Variants in ATG4C observed in about 807,000 individuals in gnomAD.
ATG4C encodes autophagy related 4C cysteine peptidase.
A neutral mutation model predicts 57.6 loss-of-function variants in ATG4C; 56 were observed. That is an observed-to-expected ratio of 0.97 (90% CI 0.78 to 1.21). The LOEUF (loss-of-function observed/expected upper bound fraction) is 1.21. ATG4C is among the 50% of genes most tolerant of loss of function. The probability of loss-of-function intolerance (pLI) is 0.00; values close to 1 mark genes in which losing one functional copy is unlikely to be tolerated. For synonymous variants in ATG4C, 157 were observed against 174.1 expected (o/e 0.90, Z 0.78); for missense variants, 595 against 529.8 (o/e 1.12, Z -1.21).
rs1230163900 is a variant in ATG4C at position 62,859,671 on chromosome 1, A to G, written c.1210-4321A>G. Among the ~76,000 whole-genome samples the G allele has an allele frequency of 2.0e-5, 3 of 150,186 alleles. 1 individual carries two copies. The highest frequency in any genetic ancestry group is 4.2e-4 in the South Asian group (2 of 4,708). On this transcript the variant is annotated intron_variant, in intron 10 of 10. Transcript: ENST00000317868. ...ATTTATGAGAAAACATATTTCTTCA[A>G]TAATAAATTAACCATATCTTTCTGT...
intron 9 of ATG4C, among the ~76,000 whole-genome samples, chr1:62,836,777 A>G (rs541638661): frequency 4.6e-5 from 7 of 152,178 alleles, no homozygotes; most frequent in African/African-American, 1.7e-4. Context: ...TTTTTTGGTT[A>G]ATAGATGGAG....
intron 4 of ATG4C, among the ~76,000 whole-genome samples, chr1:62,818,150 T>G (rs929236235): frequency 5.9e-5 from 9 of 152,152 alleles, no homozygotes; most frequent in Non-Finnish European, 1.0e-4. Flanking sequence ...AATGGATATA[T>G]TTGATTTTTC....
intron 3 of ATG4C, among the ~76,000 whole-genome samples, chr1:62,812,347 G>A (rs11208036): frequency 0.43 from 65,245 of 151,966 alleles, 14,158 homozygotes; most frequent in East Asian, 0.67. Flanking sequence ...AATCCATCAC[G>A]TAAACAGAAC....
chr1:62,863,548 A>G (rs1267497863), intron 10 of ATG4C, among the ~76,000 whole-genome samples: 1 of 152,038 alleles, frequency 6.6e-6, no homozygotes, highest in Non-Finnish European at 1.5e-5. Flanking sequence ...GTTAGTTACA[A>G]AACAGAGATT....
At chr1:62,817,533 G>T (rs1282324224) in intron 4 of ATG4C, among the ~76,000 whole-genome samples, 1 of 152,068 alleles carries the variant, frequency 6.6e-6, no homozygotes, top group Non-Finnish European at 1.5e-5. Flanking sequence ...TTTTTGTAGA[G>T]ATGTGGTCTC....
chr1:62,789,948 T>A (rs1664220116), intron 1 of ATG4C, among the ~76,000 whole-genome samples: 1 of 151,614 alleles, frequency 6.6e-6, no homozygotes, highest in Admixed American at 6.6e-5. Flanking sequence ...AGTGTCTTGC[T>A]CTTGTTGCCC....
In ATG4C at chr1:62,834,518, T is replaced by C. The variant is rs1045588026; in HGVS notation, c.1013-258T>C. ...ATATGCAAACTGTAGAATATAATTGTGTGTTTGTGAAAGCAATTTTATCAC... is the reference window on the plus strand; with the variant it reads ...ATATGCAAACTGTAGAATATAATTGCGTGTTTGTGAAAGCAATTTTATCAC... On this transcript the variant is annotated intron_variant, in intron 8 of 10. Coordinates refer to ENST00000317868, the MANE Select transcript of ATG4C (RefSeq NM_032852.4). Among the ~76,000 whole-genome samples, 3 of 152,102 alleles carry C rather than the reference T, an allele frequency of 2.0e-5. No homozygotes were observed. In the South Asian group the frequency reaches 6.2e-4, roughly 31 times the overall value.
chr1:62,809,106 T>A (rs1244940182), intron 3 of ATG4C, among the ~76,000 whole-genome samples: 2 of 151,984 alleles, frequency 1.3e-5, no homozygotes, highest in South Asian at 2.1e-4. Flanking sequence ...GTTAATTTTT[T>A]ATTTTTATTT....
rs1665561868 is a variant in ATG4C at position 62,823,804 on chromosome 1, T to C, written c.796+2595T>C. On this transcript the variant is annotated intron_variant, in intron 6 of 10. Transcript: ENST00000317868. ...CTTTGTGCATATTATTGCCTCTGCT[T>C]GGAATGCTTTTTATTATTAGAATGC... Among the ~76,000 whole-genome samples, 4 of 152,164 alleles carry C rather than the reference T, an allele frequency of 2.6e-5. No individual in the cohort carries two copies. The South Asian group carries it at 8.3e-4, about 32-fold the overall frequency.
intron 2 of ATG4C, 34 bp from the exon 3 acceptor site, chr1:62,805,138 A>T: frequency 6.6e-7 from 1 of 1,514,622 alleles, no homozygotes; most frequent in Admixed American, 2.7e-5. Flanking sequence ...TTTAATTACA[A>T]AACGTTTTCT....
At chr1:62,788,017 T>C (rs1664147087) in intron 1 of ATG4C, among the ~76,000 whole-genome samples, 1 of 152,194 alleles carries the variant, frequency 6.6e-6, no homozygotes, top group African/African-American at 2.4e-5. Context: ...TATTCACTAT[T>C]GTCCCAGATA....
intron 2 of ATG4C, among the ~76,000 whole-genome samples, chr1:62,804,689 T>C (rs1250214971): frequency 6.6e-6 from 1 of 152,162 alleles, no homozygotes; most frequent in Non-Finnish European, 1.5e-5. Context: ...TATATGGCTA[T>C]TTTTGAAGCC....
intron 10 of ATG4C, among the ~76,000 whole-genome samples, chr1:62,851,196 G>A (rs1043380853): frequency 1.1e-4 from 17 of 151,906 alleles, no homozygotes; most frequent in Non-Finnish European, 2.4e-4. Flanking sequence ...AAATTGCTGT[G>A]GATTTATCTT....
At chr1:62,792,909 C>T (rs1244405758) in intron 1 of ATG4C, among the ~76,000 whole-genome samples, 3 of 143,368 alleles carry the variant, frequency 2.1e-5, no homozygotes, top group African/African-American at 2.6e-5. Flanking sequence ...TTTTTGGAAA[C>T]GGAGTCCTGC....
intron 9 of ATG4C, among the ~76,000 whole-genome samples, chr1:62,835,878 C>T (rs1665984130): frequency 6.6e-6 from 1 of 152,030 alleles, no homozygotes; most frequent in African/African-American, 2.4e-5. Context: ...ATGTGAACTA[C>T]ATCGTAATTC....
chr1:62,834,246 A>C, intron 8 of ATG4C, 130 bp downstream of exon 8: 1 of 672,052 alleles, frequency 1.5e-6, no homozygotes, highest in Non-Finnish European at 2.4e-6. Context: ...CAGTCCTACT[A>C]TAGCCACTCA....
chr1:62,847,702 A>C (rs1337232553), intron 10 of ATG4C, among the ~76,000 whole-genome samples: 2 of 152,192 alleles, frequency 1.3e-5, no homozygotes, highest in Non-Finnish European at 2.9e-5. Context: ...AGGAGTAGGT[A>C]AAGTGAACAG....
chr1:62,821,238 G>A, intron 6 of ATG4C, 29 bp downstream of exon 6: 3 of 1,437,590 alleles, frequency 2.1e-6, no homozygotes, highest in Non-Finnish European at 1.9e-6. Context: ...TCTAATCTTT[G>A]TTTTATTTGG....
intron 1 of ATG4C, among the ~76,000 whole-genome samples, chr1:62,786,487 A>G (rs562112575): frequency 7.2e-5 from 11 of 151,948 alleles, no homozygotes; most frequent in Non-Finnish European, 1.3e-4. Flanking sequence ...TGGAATTTAA[A>G]TAGTGGTTAG....
Sources: allele counts gnomAD v4.1 joint callset (sites outside exome capture counted in the v4.1 genomes callset), GRCh38; gene constraint gnomAD v4.1.1; transcripts MANE v1.5; gene names NCBI Gene and HGNC (gene_info 2026-07-23, HGNC 2026-07-21).